Variants in CACNA1C observed in about 807,000 individuals in gnomAD.
CACNA1C encodes calcium voltage-gated channel subunit alpha1 C, also known as voltage-dependent L-type calcium channel subunit alpha-1C.
In CACNA1C, 30 loss-of-function variants were observed where a neutral mutation model predicts 229.0. The observed-to-expected ratio is 0.13, with a 90% CI of 0.10 to 0.18. The LOEUF (loss-of-function observed/expected upper bound fraction) is 0.18, where lower values mean the gene tolerates loss of function less well. CACNA1C is among the 10% of genes least tolerant of loss of function. CACNA1C has a pLI of 1.00. For missense variants in CACNA1C, 1,658 were observed against 2,845.0 expected, an observed-to-expected ratio of 0.58 and a Z score of 9.49; for synonymous variants, 1,114 against 1,132.5, an observed-to-expected ratio of 0.98 and a Z score of 0.33.
At chr12:2,640,934 C>CCT (rs1421734774) in intron 30 of CACNA1C, among the ~76,000 whole-genome samples, 3 of 152,346 alleles carry the variant, frequency 2.0e-5, no homozygotes, top group African/African-American at 7.2e-5. Flanking sequence ...CGACTCCAGC[C>CCT]CTCTCTCTCG....
At chr12:2,456,623 A>G (rs572005290) in intron 4 of CACNA1C, among the ~76,000 whole-genome samples, 2 of 152,106 alleles carry the variant, frequency 1.3e-5, no homozygotes, top group Non-Finnish European at 1.5e-5. Flanking sequence ...CAGTCTCCAG[A>G]TAGTGAAGTG....
At chr12:2,267,272 C>T (rs1601461436) in intron 3 of CACNA1C, among the ~76,000 whole-genome samples, 1 of 152,212 alleles carries the variant, frequency 6.6e-6, no homozygotes, top group Non-Finnish European at 1.5e-5. Flanking sequence ...TTCACCTGAA[C>T]TCTCTCAGGC....
In CACNA1C at chr12:2,053,604, C is replaced by A; in HGVS notation, c.42C>A (p.Asn14Lys). 6.3e-7 allele frequency: 1 copy of A among 1,598,206 alleles called. No individual in the cohort carries two copies. Among genetic ancestry groups the A allele is most frequent in the Admixed American group, 1.7e-5 (1 of 57,928 alleles). ...CGAGGATGTACATTCCAGAGGAAAACCACCAAGGTAAGGCTGGACCCCGCC... is the reference window on the plus strand; with the variant it reads ...CGAGGATGTACATTCCAGAGGAAAAACACCAAGGTAAGGCTGGACCCCGCC... The part of the protein sequence containing the change: ...ENTRMYIPEE[N>K]HQGSNYGSPR... Residue 14 changes from asparagine to lysine, a missense_variant, in exon 1 of 47, where the codon AAC (asparagine) becomes AAA (lysine). Asn to Lys is a moderately conservative substitution (Grantham distance 94). Around this residue, in one of 20 missense-constraint regions of CACNA1C, gnomAD observed 111 missense variants for 128.0 expected, o/e 0.87. Coordinates refer to ENST00000399655, the MANE Select transcript of CACNA1C (RefSeq NM_000719.7). The surrounding 1 kb of genome is among the most constrained non-coding windows in gnomAD (Gnocchi z 5.8).
intron 3 of CACNA1C, among the ~76,000 whole-genome samples, chr12:2,175,571 A>G (rs981872299): frequency 2.0e-5 from 3 of 152,020 alleles, no homozygotes; most frequent in African/African-American, 7.2e-5. Flanking sequence ...GGGCTCCGGG[A>G]TTGGCAGCCT....
At chr12:2,484,778 T>C (rs2099691175) in intron 5 of CACNA1C, among the ~76,000 whole-genome samples, 1 of 147,994 alleles carries the variant, frequency 6.8e-6, no homozygotes. Flanking sequence ...CTCTGCATAC[T>C]CCAACACTAA....
At chr12:2,684,772 A>T (rs2097358137) in intron 43 of CACNA1C, among the ~76,000 whole-genome samples, 3 of 152,220 alleles carry the variant, frequency 2.0e-5, no homozygotes, top group Admixed American at 1.3e-4. Flanking sequence ...AAAATACAAT[A>T]GGGAGGCCTT....
At chr12:1,978,926 T>C (rs2035254116) in intron 1 of CACNA1C, among the ~76,000 whole-genome samples, 1 of 152,266 alleles carries the variant, frequency 6.6e-6, no homozygotes, top group African/African-American at 2.4e-5. Flanking sequence ...TTTGTTCATC[T>C]ATGTAACTAT....
Position 2,326,238 on chromosome 12 carries a change from C to T in CACNA1C, c.478-122738C>T, listed in dbSNP as rs539736169. 1.8e-4 allele frequency among the ~76,000 whole-genome samples: 27 copies of T among 152,228 alleles called. 1 individual carries two copies. In the East Asian group the frequency reaches 3.5e-3, roughly 20 times the overall value. ...AGATAGTTAGGAGGATAAAGGTGGA[C>T]GGTATAAGCTGCCCTTCATTCAGAG... On this transcript the variant is annotated intron_variant, in intron 3 of 46. Transcript: ENST00000399655.
intron 42 of CACNA1C, among the ~76,000 whole-genome samples, chr12:2,681,121 CTCCACGTCCG>C (rs1415257553): frequency 6.6e-6 from 1 of 152,148 alleles, no homozygotes; most frequent in African/African-American, 2.4e-5. Context: ...TTAAGGAGGG[CTCCACGTCCG>C]TCTTTAGCAT....
intron 1 of CACNA1C, among the ~76,000 whole-genome samples, chr12:2,084,126 T>A (rs1210116942): frequency 2.6e-5 from 4 of 152,226 alleles, no homozygotes. Context: ...ACTTTTCACA[T>A]AGTCAAATTT....
intron 1 of CACNA1C, among the ~76,000 whole-genome samples, chr12:2,016,837 A>G (rs987826392): frequency 3.3e-5 from 5 of 152,242 alleles, no homozygotes; most frequent in Non-Finnish European, 4.4e-5. Context: ...GGCTTTACCC[A>G]CAGACATTCT....
At chr12:2,438,042 G>A (rs1347487719) in intron 3 of CACNA1C, among the ~76,000 whole-genome samples, 17 of 149,716 alleles carry the variant, frequency 1.1e-4, no homozygotes, top group Admixed American at 1.1e-3. Context: ...GGTGAGGGTG[G>A]TGGTGGTAAT....
rs79250087 is a variant in CACNA1C at position 2,036,380 on chromosome 12, G to A, written c.139+65179G>A. ...AGAAAAGGGGAATCAGGCTTTGTGGGTGCTGCCCCAGCCTCTAGCTCTGGA... is the reference window on the plus strand; with the variant it reads ...AGAAAAGGGGAATCAGGCTTTGTGGATGCTGCCCCAGCCTCTAGCTCTGGA... On this transcript the variant is annotated intron_variant, in intron 1 of 46. Transcript: ENST00000682462. Among the ~76,000 whole-genome samples, 542 of 152,280 alleles carry A rather than the reference G, an allele frequency of 3.6e-3. 13 individuals are homozygous for A. In the East Asian group the frequency reaches 0.044, roughly 12 times the overall value.
chr12:2,361,829 G>A (rs2097565222), intron 3 of CACNA1C, among the ~76,000 whole-genome samples: 1 of 152,354 alleles, frequency 6.6e-6, no homozygotes, highest in East Asian at 1.9e-4. Flanking sequence ...GGGTAGCCCT[G>A]ATAAGCAAAT....
intron 1 of CACNA1C, among the ~76,000 whole-genome samples, chr12:2,062,554 T>G (rs151180188): frequency 3.4e-4 from 52 of 152,358 alleles, no homozygotes; most frequent in African/African-American, 1.1e-3. Context: ...AGATTTGCCT[T>G]GTGGAAGCTC....
At chr12:2,449,155 G>C in intron 4 of CACNA1C, 40 bp downstream of exon 4, 2 of 1,444,578 alleles carry the variant, frequency 1.4e-6, no homozygotes, top group Non-Finnish European at 9.2e-7. Flanking sequence ...TATCTTACCA[G>C]TGTTGCGGGA....
At chr12:2,380,740 T>C (rs2098219245) in intron 3 of CACNA1C, among the ~76,000 whole-genome samples, 1 of 152,240 alleles carries the variant, frequency 6.6e-6, no homozygotes. Context: ...ACTAATTAAC[T>C]TCCCCATGCC....
rs866967523 is a variant in CACNA1C, at chr12:1,996,645, A to C, written c.139+25444A>C. On this transcript the variant is annotated intron_variant, in intron 1 of 46. Coordinates refer to the CACNA1C transcript ENST00000682462. ...AAAAAAAAAAAAAAAAAAAAAAAAA[A>C]AAAAAAAAAACAACAAACTCTTCTA... is the stretch of plus-strand genomic sequence containing the variant. Among the ~76,000 whole-genome samples the C allele has an allele frequency of 1.6e-3, 149 of 93,938 alleles. 8 individuals carry two copies. The highest frequency in any genetic ancestry group is 7.3e-3 in the African/African-American group (133 of 18,286). 61.6% of individuals were successfully genotyped at this position (93,938 alleles called of 152,430 possible). A position where few individuals can be genotyped will look rare whatever the true frequency, so the allele number is the denominator to read the frequency against.
chr12:2,212,288 GT>G (rs1213217550), intron 3 of CACNA1C, among the ~76,000 whole-genome samples: 1 of 152,216 alleles, frequency 6.6e-6, no homozygotes, highest in Non-Finnish European at 1.5e-5. Context: ...GAACTCAAAG[GT>G]AAGTGTGGTT....
Sources: allele counts gnomAD v4.1 joint callset (sites outside exome capture counted in the v4.1 genomes callset), GRCh38; gene constraint gnomAD v4.1.1; regional missense constraint gnomAD v4.1.1; non-coding constraint Gnocchi (gnomAD v3.1); transcripts MANE v1.5; gene names NCBI Gene and HGNC (gene_info 2026-07-23, HGNC 2026-07-21).